ANKS1B: variants seen among roughly 807,000 people sequenced by gnomAD.
ANKS1B encodes the protein ankyrin repeat and sterile alpha motif domain containing 1B, also known as ankyrin repeat and sterile alpha motif domain-containing protein 1B.
Under a neutral mutation model 148.3 loss-of-function variants are expected in ANKS1B, and 36 were observed. The ratio of observed to expected loss-of-function variants is 0.24; its 90% confidence interval spans 0.19 to 0.32. The LOEUF is 0.32. ANKS1B is among the 10% of genes least tolerant of loss of function. ANKS1B has a pLI of 1.00. For missense variants in ANKS1B, 1,157 were observed against 1,542.6 expected, an observed-to-expected ratio of 0.75 and a Z score of 4.19; for synonymous variants, 542 against 560.8, an observed-to-expected ratio of 0.97 and a Z score of 0.47.
At position 98,745,088 on chromosome 12, in the gene ANKS1B, T is replaced by C; in HGVS notation, c.*651A>G. The C allele has an allele frequency of 1.0e-6, 1 of 985,898 alleles. No homozygotes were observed. The highest frequency in any genetic ancestry group is 1.2e-6 in the Non-Finnish European group (1 of 829,932). 61.1% of individuals were successfully genotyped at this position (985,898 alleles called of 1,614,324 possible). A position where few individuals can be genotyped will look rare whatever the true frequency, so the allele number is the denominator to read the frequency against. On this transcript the variant is annotated 3_prime_UTR_variant, in exon 27 of 27. Coordinates refer to ENST00000683438, the MANE Select transcript of ANKS1B (RefSeq NM_001352186.2). ...TTTTGCTGTGCATAATAAATTCCTC[T>C]GCTTTGAATCATTCTTTCCTTTTGA...
chr12:99,311,827 A>G (rs1337592340), intron 12 of ANKS1B, among the ~76,000 whole-genome samples: 1 of 152,120 alleles, frequency 6.6e-6, no homozygotes, highest in African/African-American at 2.4e-5. Context: ...TTATTGTTAT[A>G]TATATTTCAT....
At chr12:99,208,032 G>A (rs1163792076) in intron 14 of ANKS1B, among the ~76,000 whole-genome samples, 2 of 152,040 alleles carry the variant, frequency 1.3e-5, no homozygotes, top group East Asian at 3.9e-4. Flanking sequence ...GATCTCCTGT[G>A]TTAAAACCAC....
intron 10 of ANKS1B, among the ~76,000 whole-genome samples, chr12:99,467,219 G>T (rs1483317002): frequency 6.6e-6 from 1 of 152,138 alleles, no homozygotes; most frequent in Non-Finnish European, 1.5e-5. Flanking sequence ...TGCAGAAAAG[G>T]CCTTTGACAA....
At chr12:99,067,721 G>A (rs1362676089) in intron 16 of ANKS1B, among the ~76,000 whole-genome samples, 2 of 152,166 alleles carry the variant, frequency 1.3e-5, no homozygotes, top group African/African-American at 4.8e-5. Flanking sequence ...AGCCCTGGTT[G>A]GAGTTCCTGA....
At chr12:99,015,083 A>T (rs1220681840) in intron 17 of ANKS1B, among the ~76,000 whole-genome samples, 1 of 152,226 alleles carries the variant, frequency 6.6e-6, no homozygotes, top group Non-Finnish European at 1.5e-5. Flanking sequence ...GTGTATGTTC[A>T]TTGCAGCACT....
At chr12:99,114,487 C>T (rs1317152382) in intron 15 of ANKS1B, among the ~76,000 whole-genome samples, 2 of 152,186 alleles carry the variant, frequency 1.3e-5, no homozygotes, top group East Asian at 3.9e-4. Context: ...CATGGTGGCT[C>T]ATGCCTGTAA....
At chr12:99,534,833 C>T (rs2097048032) in intron 9 of ANKS1B, among the ~76,000 whole-genome samples, 1 of 151,526 alleles carries the variant, frequency 6.6e-6, no homozygotes, top group South Asian at 2.1e-4. Context: ...CCTCAGCCTC[C>T]CGAGTAGCTG....
At chr12:99,924,360 A>G (rs1603460469) in intron 1 of ANKS1B, among the ~76,000 whole-genome samples, 1 of 152,182 alleles carries the variant, frequency 6.6e-6, no homozygotes, top group East Asian at 1.9e-4. Flanking sequence ...TTACTCAAGG[A>G]ATTGTTCTCA....
intron 17 of ANKS1B, among the ~76,000 whole-genome samples, chr12:99,035,578 A>G (rs1237653367): frequency 6.6e-6 from 1 of 152,190 alleles, no homozygotes; most frequent in Admixed American, 6.5e-5. Context: ...TACATGCTAA[A>G]TAAATTTGTA....
rs918990235 is a variant in ANKS1B, at chr12:99,244,279, A to G, written c.2419+63T>C. 3 of 1,133,972 alleles carry G rather than the reference A, an allele frequency of 2.6e-6. No individual in the cohort carries two copies. The African/African-American group carries it at 4.7e-5, about 18-fold the overall frequency. The allele number at this position is 1,133,972 out of a possible 1,614,324, so 70.2% of individuals were successfully genotyped here. On this transcript the variant is annotated intron_variant, in intron 14 of 26. Transcript: ENST00000683438. ...AAAATGCAATTATCTAAAGATTCCTATCATTTTCTCACTACTCCTTAAGCA... is the reference window on the plus strand; with the variant it reads ...AAAATGCAATTATCTAAAGATTCCTGTCATTTTCTCACTACTCCTTAAGCA...
At chr12:99,090,133 G>A (rs1383966507) in intron 15 of ANKS1B, among the ~76,000 whole-genome samples, 2 of 152,162 alleles carry the variant, frequency 1.3e-5, no homozygotes, top group Admixed American at 1.3e-4. Context: ...CTGTTAGGAT[G>A]CCCAAATAGA....
chr12:99,172,723 C>T (rs985494242), intron 14 of ANKS1B, among the ~76,000 whole-genome samples: 13 of 151,662 alleles, frequency 8.6e-5, no homozygotes, highest in Non-Finnish European at 1.8e-4. Flanking sequence ...TCAGGTGTTT[C>T]GTGTATGCTT....
At chr12:99,253,331 A>C (rs2074870241) in intron 12 of ANKS1B, among the ~76,000 whole-genome samples, 1 of 152,140 alleles carries the variant, frequency 6.6e-6, no homozygotes, top group Non-Finnish European at 1.5e-5. Context: ...TGAGAGCACC[A>C]CTTTGGAAGG....
chr12:99,075,637 A>G (rs1019500546), intron 16 of ANKS1B, among the ~76,000 whole-genome samples: 17 of 152,062 alleles, frequency 1.1e-4, no homozygotes, highest in African/African-American at 3.9e-4. Context: ...CAATGGCACC[A>G]ATGATTTCTT....
Position 99,103,192 on chromosome 12 carries a change from A to G in ANKS1B, c.2527-18169T>C, listed in dbSNP as rs79758977. 4.0e-3 allele frequency among the ~76,000 whole-genome samples: 615 copies of G among 152,240 alleles called. 26 individuals carry two copies. The East Asian group carries it at 0.086, about 21-fold the overall frequency. On this transcript the variant is annotated intron_variant, in intron 15 of 26. Coordinates refer to ENST00000683438, the MANE Select transcript of ANKS1B (RefSeq NM_001352186.2). ...GCCCTTCACTGCTGATACTTCTGCT[A>G]TCCTTGGCATGTGACAATTCCTCAA...
At chr12:99,345,474 C>T (rs10745850) in intron 12 of ANKS1B, among the ~76,000 whole-genome samples, 72,109 of 151,870 alleles carry the variant, frequency 0.47, 19,563 homozygotes, top group African/African-American at 0.75. Context: ...TTGTTAAATA[C>T]AGATAAAGAG....
chr12:98,864,494 G>C (rs1167738119), intron 17 of ANKS1B, among the ~76,000 whole-genome samples: 1 of 152,132 alleles, frequency 6.6e-6, no homozygotes, highest in Non-Finnish European at 1.5e-5. Flanking sequence ...GGTAGATTTT[G>C]AGTGAAGTAG....
At chr12:99,700,890 C>A (rs1390320947) in intron 8 of ANKS1B, among the ~76,000 whole-genome samples, 1 of 152,148 alleles carries the variant, frequency 6.6e-6, no homozygotes, top group Non-Finnish European at 1.5e-5. Context: ...GAAAGTTTTG[C>A]TTAATGACTA....
intron 17 of ANKS1B, among the ~76,000 whole-genome samples, chr12:98,972,575 A>G (rs2099884213): frequency 6.6e-6 from 1 of 152,212 alleles, no homozygotes; most frequent in Non-Finnish European, 1.5e-5. Context: ...GCTGAGACAC[A>G]AATCAGGGCT....
Sources: allele counts gnomAD v4.1 joint callset (sites outside exome capture counted in the v4.1 genomes callset), GRCh38; gene constraint gnomAD v4.1.1; transcripts MANE v1.5; gene names NCBI Gene and HGNC (gene_info 2026-07-23, HGNC 2026-07-21).